Variants in CCT2 observed in about 807,000 individuals in gnomAD.
CCT2 encodes the protein T-complex protein 1 subunit beta.
CCT2 carries 18 observed loss-of-function variants against 61.8 expected under a neutral mutation model. The ratio of observed to expected loss-of-function variants is 0.29; its 90% CI spans 0.20 to 0.43. The LOEUF (loss-of-function observed/expected upper bound fraction) is 0.43, where lower values mean the gene tolerates loss of function less well. CCT2 is among the 20% of genes least tolerant of loss of function. CCT2 has a pLI of 1.00. For synonymous variants in CCT2, 248 were observed against 215.9 expected, an observed-to-expected ratio of 1.15 and a Z score of -1.30; for missense variants, 556 against 656.9, an observed-to-expected ratio of 0.85 and a Z score of 1.68.
chr12:69,600,047 C>CA lies in CCT2; in HGVS notation c.1577+47dup, dbSNP rs749991339. On this transcript the variant is annotated intron_variant, in intron 15 of 15. Transcript: ENST00000299300. ...TCAGAAAAAATTACTAACAGCAAAA[C>CA]AAAATAGGGAGCTGTATTTATTTTA... The CA allele has an allele frequency of 1.4e-5, 21 of 1,533,864 alleles. No homozygotes were observed. In the South Asian group the frequency reaches 2.6e-4, roughly 19 times the overall value.
chr12:69,601,436 T>C lies in CCT2; in HGVS notation c.*111T>C. ...TGTTTATCGGTGCCCATTATATCCT[T>C]AAGTTTGGATATTTAGCTGACCTTC... On this transcript the variant is annotated 3_prime_UTR_variant, in exon 16 of 16. Transcript: ENST00000299300. The C allele has an allele frequency of 6.3e-7, 1 of 1,595,082 alleles. No homozygotes were observed. Among genetic ancestry groups the C allele is most frequent in the African/African-American group, 1.3e-5 (1 of 74,118 alleles).
chr12:69,596,563 A>G (rs1881999222), intron 10 of CCT2, among the ~76,000 whole-genome samples: 2 of 152,192 alleles, frequency 1.3e-5, no homozygotes, highest in African/African-American at 4.8e-5. Flanking sequence ...GGTCTGGGAA[A>G]TTCTTAGTAT....
At position 69,589,753 on chromosome 12, in the gene CCT2, C is replaced by G. The variant is rs565045009; in HGVS notation, c.649+66C>G. 6 of 1,276,056 alleles carry G rather than the reference C, an allele frequency of 4.7e-6. No individual in the cohort carries two copies. In the South Asian group the frequency reaches 4.9e-5, roughly 10 times the overall value. 79.0% of individuals were successfully genotyped at this position (1,276,056 alleles called of 1,614,324 possible). On this transcript the variant is annotated intron_variant, in intron 7 of 15. Coordinates refer to ENST00000299300, the MANE Select transcript of CCT2 (RefSeq NM_006431.3). Reference sequence around the variant, plus strand: ...CTGAGGGCTGAATACTGAGTGAATTCTGTTTTGAGACCAGTGACCCTTTAC... The same window carrying G: ...CTGAGGGCTGAATACTGAGTGAATTGTGTTTTGAGACCAGTGACCCTTTAC...
At chr12:69,599,282 GC>G (rs1437584842) in intron 14 of CCT2, among the ~76,000 whole-genome samples, 1 of 152,122 alleles carries the variant, frequency 6.6e-6, no homozygotes, top group Non-Finnish European at 1.5e-5. Flanking sequence ...AGATGGGGGG[GC>G]AGTCTCACTA....
rs10655703 is a variant in CCT2, at chr12:69,595,688, CA to C, written c.983-1449del. 1.8e-3 allele frequency among the ~76,000 whole-genome samples: 177 copies of C among 99,496 alleles called. 1 individual carries two copies. Among genetic ancestry groups the C allele is most frequent in the Admixed American group, 2.2e-3 (20 of 8,952 alleles). 65.3% of individuals were successfully genotyped at this position (99,496 alleles called of 152,430 possible). A position where few individuals can be genotyped will look rare whatever the true frequency, so the allele number is the denominator to read the frequency against. On this transcript the variant is annotated intron_variant, in intron 10 of 15. Coordinates refer to ENST00000299300, the MANE Select transcript of CCT2 (RefSeq NM_006431.3). ...TGGGTGACAGAGCGAGACTCCGTCTCAAAAAAAAAAAAAAAAAAAGATGTAA... is the reference window on the plus strand; with the variant it reads ...TGGGTGACAGAGCGAGACTCCGTCTCAAAAAAAAAAAAAAAAAAGATGTAA...
intron 10 of CCT2, among the ~76,000 whole-genome samples, chr12:69,595,676 G>A (rs1054391381): frequency 4.0e-5 from 5 of 126,350 alleles, no homozygotes; most frequent in African/African-American, 6.7e-5. Context: ...GTGACAGAGC[G>A]AGACTCCGTC....
rs1277531001 is a variant in CCT2, at chr12:69,589,259, A to G, written c.447-226A>G. On this transcript the variant is annotated intron_variant, in intron 6 of 15. Coordinates refer to ENST00000299300, the MANE Select transcript of CCT2 (RefSeq NM_006431.3). ...ATTCTTGCCAACATTAGACTTTTGC[A>G]TGCTTGTGTGGCCCCCACCCCTCTT... 8 of 530,204 alleles carry G rather than the reference A, an allele frequency of 1.5e-5. No homozygotes were observed. In the Admixed American group the frequency reaches 2.5e-4, roughly 16 times the overall value. The allele number at this position is 530,204 out of a possible 1,614,324, so 32.8% of individuals were successfully genotyped here. A position where few individuals can be genotyped will look rare whatever the true frequency, so the allele number is the denominator to read the frequency against.
At chr12:69,595,225 G>A (rs1296125790) in intron 10 of CCT2, among the ~76,000 whole-genome samples, 1 of 152,162 alleles carries the variant, frequency 6.6e-6, no homozygotes, top group Admixed American at 6.5e-5. Context: ...AATCATTTGA[G>A]AAGCATAGTC....
chr12:69,588,374 C>A, intron 6 of CCT2, 112 bp downstream of exon 6: 1 of 738,162 alleles, frequency 1.4e-6, no homozygotes, highest in Non-Finnish European at 2.3e-6. Flanking sequence ...ATCTTGCTGC[C>A]TCACCCCACT....
intron 11 of CCT2, 77 bp downstream of exon 11, chr12:69,597,352 A>C: frequency 6.6e-7 from 1 of 1,516,088 alleles, no homozygotes; most frequent in Non-Finnish European, 9.1e-7. Flanking sequence ...TATTGTAGTT[A>C]CTAGAATAGC....
chr12:69,589,348 A>T, intron 6 of CCT2, 137 bp from the exon 7 acceptor site: 3 of 626,270 alleles, frequency 4.8e-6, no homozygotes, highest in Non-Finnish European at 8.2e-6. Flanking sequence ...TTTCTTGATT[A>T]CTGCTGAGGT....
At chr12:69,595,206 G>GT (rs1000669405) in intron 10 of CCT2, among the ~76,000 whole-genome samples, 8 of 151,964 alleles carry the variant, frequency 5.3e-5, no homozygotes, top group Middle Eastern at 6.8e-3. Context: ...CTCTTAAGAC[G>GT]TTTTTTTTAA....
chr12:69,591,845 TC>T (rs1250132669), intron 7 of CCT2, among the ~76,000 whole-genome samples: 14 of 151,998 alleles, frequency 9.2e-5, no homozygotes, highest in Non-Finnish European at 1.6e-4. Context: ...GAAACTAAAA[TC>T]CATGGCTTTC....
In CCT2 at chr12:69,599,440, T is replaced by C. The variant is rs141184290; in HGVS notation, c.1436-423T>C. Among the ~76,000 whole-genome samples, 439 of 152,166 alleles carry C rather than the reference T, an allele frequency of 2.9e-3. 4 individuals are homozygous for C. The highest frequency in any genetic ancestry group is 5.0e-3 in the Non-Finnish European group (342 of 68,014). ...TTCACTGTTGTTACTCAGGCTGGAG[T>C]GCAGAGGCATGATCTCAGCTCACTG... is the stretch of plus-strand genomic sequence containing the variant. On this transcript the variant is annotated intron_variant, in intron 14 of 15. Transcript: ENST00000299300.
chr12:69,597,085 A>G (rs1429635900), intron 10 of CCT2, 71 bp from the exon 11 acceptor site: 2 of 1,430,846 alleles, frequency 1.4e-6, no homozygotes, highest in East Asian at 2.3e-5. Flanking sequence ...TTATCTATCC[A>G]TTACTGCTTA....
intron 10 of CCT2, among the ~76,000 whole-genome samples, chr12:69,596,719 G>A (rs1233614067): frequency 3.9e-5 from 6 of 152,180 alleles, no homozygotes; most frequent in Non-Finnish European, 8.8e-5. Flanking sequence ...GTATCATGAG[G>A]TCTTAGTCTT....
chr12:69,597,229 C>A lies in CCT2; in HGVS notation c.1056C>A (p.Val352=). 2 of 1,613,948 alleles carry A rather than the reference C, an allele frequency of 1.2e-6. No individual in the cohort carries two copies. The highest frequency in any genetic ancestry group is 2.2e-5 in the South Asian group (2 of 91,050). Reference sequence around the variant, plus strand: ...GAAGTTGCAAACTTATCGAGGAAGTCATGATTGGAGAAGACAAACTCATTC... The same window carrying A: ...GAAGTTGCAAACTTATCGAGGAAGTAATGATTGGAGAAGACAAACTCATTC... ...KLGSCKLIEE[V]MIGEDKLIHF... is the part of the protein sequence containing the mutation. Residue 352 remains valine (V), a synonymous_variant, in exon 11 of 16, where the codon GTC becomes GTA. Transcript: ENST00000299300.
rs1398918727 is a variant in CCT2, at chr12:69,599,110, A to G, written c.1435+689A>G. Among the ~76,000 whole-genome samples the G allele has an allele frequency of 4.6e-5, 7 of 152,308 alleles. No homozygotes were observed. The East Asian group carries it at 5.8e-4, about 13-fold the overall frequency. On this transcript the variant is annotated intron_variant, in intron 14 of 15. Coordinates refer to ENST00000299300, the MANE Select transcript of CCT2 (RefSeq NM_006431.3). Reference sequence around the variant, plus strand: ...TATTACTATTATTATAACTGACACAATGGTCTTGCTCTGTTCCCCAGGCTG... The same window carrying G: ...TATTACTATTATTATAACTGACACAGTGGTCTTGCTCTGTTCCCCAGGCTG...
At chr12:69,597,398 A>T (rs1882022605) in intron 11 of CCT2, 123 bp downstream of exon 11, 3 of 1,245,980 alleles carry the variant, frequency 2.4e-6, no homozygotes, top group Non-Finnish European at 3.4e-6. Flanking sequence ...GAAGCATGAT[A>T]CATACTTTGT....
Sources: allele counts gnomAD v4.1 joint callset (sites outside exome capture counted in the v4.1 genomes callset), GRCh38; gene constraint gnomAD v4.1.1; transcripts MANE v1.5; gene names NCBI Gene and HGNC (gene_info 2026-07-23, HGNC 2026-07-21).